The following PAN2 variants were observed in gnomAD, a reference collection of about 807,000 sequenced individuals.
The protein encoded by PAN2 is poly(A) specific ribonuclease subunit PAN2, also known as PAN2-PAN3 deadenylation complex catalytic subunit PAN2.
A neutral mutation model predicts 133.3 loss-of-function variants in PAN2; 68 were observed. The ratio of observed to expected loss-of-function variants is 0.51; its 90% CI spans 0.42 to 0.62. The LOEUF (loss-of-function observed/expected upper bound fraction) is 0.62, where lower values mean the gene tolerates loss of function less well. PAN2 is among the 20% of genes least tolerant of loss of function. The pLI is 0.00. For missense variants in PAN2, 1,042 were observed against 1,500.5 expected (o/e 0.69, Z 5.05); for synonymous variants, 462 against 544.6 (o/e 0.85, Z 2.11).
chr12:56,330,810 T>G (rs910907823), intron 2 of PAN2, among the ~76,000 whole-genome samples: 1 of 151,712 alleles, frequency 6.6e-6, no homozygotes, highest in Non-Finnish European at 1.5e-5. Context: ...TTCTTTTTCT[T>G]TTTTTTGAGA....
chr12:56,317,879 A>G (rs1874080301), intron 25 of PAN2, among the ~76,000 whole-genome samples: 2 of 152,220 alleles, frequency 1.3e-5, no homozygotes, highest in Non-Finnish European at 2.9e-5. Context: ...CATATGTGCA[A>G]TCAAAATCCA....
At chr12:56,327,248 C>T (rs1875226384) in intron 6 of PAN2, 116 bp downstream of exon 6, 3 of 1,160,608 alleles carry the variant, frequency 2.6e-6, no homozygotes. Flanking sequence ...CCTTGGGACC[C>T]TGATGAAAGG....
At chr12:56,326,579 T>C (rs1875153148) in intron 7 of PAN2, 38 bp downstream of exon 7, 1 of 1,570,898 alleles carries the variant, frequency 6.4e-7, no homozygotes, top group African/African-American at 1.4e-5. Context: ...GCCCTTTCCC[T>C]GTCCCTCCCG....
chr12:56,331,191 T>G (rs987574401), intron 2 of PAN2, among the ~76,000 whole-genome samples: 2 of 152,198 alleles, frequency 1.3e-5, no homozygotes, highest in Non-Finnish European at 2.9e-5. Flanking sequence ...TAGGGCAAGG[T>G]CTGACACCTA....
chr12:56,325,327 C>G lies in PAN2; in HGVS notation c.1479+8G>C. On this transcript the variant is annotated splice_region_variant and intron_variant, in intron 9 of 25. Coordinates refer to ENST00000440411, the MANE Select transcript of PAN2 (RefSeq NM_014871.6). Reference sequence around the variant, plus strand: ...CCACATCCCACAGGCCCTGATGTCCCCCAGCACCTTGCGGTATTTCTTAGA... The same window carrying G: ...CCACATCCCACAGGCCCTGATGTCCGCCAGCACCTTGCGGTATTTCTTAGA... The G allele has an allele frequency of 6.2e-7, 1 of 1,614,084 alleles. No homozygotes were observed. Among genetic ancestry groups the G allele is most frequent in the Non-Finnish European group, 8.5e-7 (1 of 1,179,970 alleles).
intron 19 of PAN2, 112 bp downstream of exon 19, chr12:56,322,311 G>T: frequency 9.1e-7 from 1 of 1,096,454 alleles, no homozygotes; most frequent in East Asian, 2.4e-5. Context: ...TTATTCCTGA[G>T]GATTCCTTCC....
chr12:56,326,423 T>TTA lies in PAN2; in HGVS notation c.1263-15_1263-14insTA, dbSNP rs1272745904. ...GGTGGTGCTCGCCTACAATCCAGCA[T>TTA]AGTTCTAGGACTTAAAGAGTTGTGG... On this transcript the variant is annotated splice_polypyrimidine_tract_variant and intron_variant, in intron 7 of 25. Transcript: ENST00000440411. 6.3e-7 allele frequency: 1 copy of TTA among 1,575,294 alleles called. No homozygotes were observed. The highest frequency in any genetic ancestry group is 1.1e-5 in the South Asian group (1 of 88,054).
At position 56,323,227 on chromosome 12, in the gene PAN2, T is replaced by A; in HGVS notation, c.2346-18A>T. On this transcript the variant is annotated intron_variant, in intron 16 of 25. Coordinates refer to ENST00000440411, the MANE Select transcript of PAN2 (RefSeq NM_014871.6). ...GTTCCTTCCTATCAGGTCAGAAGAA[T>A]TGGAAATTTGTTCCGAAAGAGGTCT... 6.2e-7 allele frequency: 1 copy of A among 1,613,794 alleles called. No individual in the cohort carries two copies. The highest frequency in any genetic ancestry group is 8.5e-7 in the Non-Finnish European group (1 of 1,179,946).
chr12:56,325,347 C>T lies in PAN2; in HGVS notation c.1467G>A (p.Lys489=). The T allele has an allele frequency of 6.2e-7, 1 of 1,614,172 alleles. No individual in the cohort carries two copies. Among genetic ancestry groups the T allele is most frequent in the East Asian group, 2.2e-5 (1 of 44,890 alleles). Residue 489 remains lysine, a synonymous_variant, in exon 9 of 26, where the codon AAG becomes AAA. Transcript: ENST00000440411. ...EEEPHLHMVS[K]KYRKVTIKYS... is the part of the protein sequence containing the mutation. The stretch of plus-strand genomic sequence containing the variant: ...TGTCCCCCAGCACCTTGCGGTATTT[C>T]TTAGAAACCATGTGGAGATGTGGTT...
At chr12:56,318,200 C>T in intron 25 of PAN2, 37 bp downstream of exon 25, 3 of 1,550,842 alleles carry the variant, frequency 1.9e-6, no homozygotes, top group East Asian at 2.2e-5. Flanking sequence ...ACAAAATCCA[C>T]CCAGTCCAGT....
intron 20 of PAN2, among the ~76,000 whole-genome samples, chr12:56,320,411 G>A (rs534415242): frequency 1.3e-5 from 2 of 152,288 alleles, no homozygotes; most frequent in East Asian, 1.9e-4. Flanking sequence ...GCCGAGGCGG[G>A]CGGATCACCT....
intron 6 of PAN2, among the ~76,000 whole-genome samples, 157 bp from the exon 7 acceptor site, chr12:56,327,116 T>C (rs1421787483): frequency 1.3e-5 from 2 of 152,232 alleles, no homozygotes; most frequent in African/African-American, 2.4e-5. Context: ...AAACCACAGA[T>C]GGTTCGCTAC....
chr12:56,333,079 G>T lies in PAN2; in HGVS notation c.16C>A (p.Leu6Met). The T allele has an allele frequency of 6.2e-7, 1 of 1,613,564 alleles. No individual in the cohort carries two copies. Among genetic ancestry groups the T allele is most frequent in the Non-Finnish European group, 8.5e-7 (1 of 1,179,614 alleles). The change falls in exon 2 of 26, where the codon CTG becomes ATG. Residue 6 changes from leucine (L) to methionine (M), a missense_variant. Leu to Met is a conservative substitution (Grantham distance 15, BLOSUM62 2). This residue lies in a region of PAN2 where 908 missense variants were observed against 1,223.5 expected (regional missense o/e 0.74). Transcript: ENST00000440411. MNFEGLDPGLAEYAPA... is the reference protein window; with the variant it reads MNFEGMDPGLAEYAPA... ...GCATATTCTGCCAGTCCAGGGTCCA[G>T]ACCCTCAAAGTTCATGATGACGATG...
chr12:56,319,933 C>T lies in PAN2; in HGVS notation c.2877G>A (p.Leu959=). ...CAATCTGTGGCATCTCATTCAGCATCAGTGGAATAAAGGTAGTATGTGTTT... is the reference window on the plus strand; with the variant it reads ...CAATCTGTGGCATCTCATTCAGCATTAGTGGAATAAAGGTAGTATGTGTTT... The part of the protein sequence containing the change: ...QRKTHTTFIP[L]MLNEMPQIGD... The change falls in exon 21 of 26, where the codon CTG becomes CTA. Residue 959 remains leucine (L), a synonymous_variant. Transcript: ENST00000440411. The surrounding 1 kb of genome is among the most constrained non-coding windows in gnomAD (Gnocchi z 5.4). 6.2e-7 allele frequency: 1 copy of T among 1,614,220 alleles called. No individual in the cohort carries two copies. The highest frequency in any genetic ancestry group is 2.2e-5 in the East Asian group (1 of 44,888).
At chr12:56,323,784 G>C (rs1260459526) in intron 14 of PAN2, 23 bp downstream of exon 14, 1 of 1,541,464 alleles carries the variant, frequency 6.5e-7, no homozygotes, top group Admixed American at 1.7e-5. Context: ...CAGGACTCTA[G>C]TCCAGTCCAA....
intron 6 of PAN2, 73 bp downstream of exon 6, chr12:56,327,291 T>G: frequency 3.3e-6 from 5 of 1,503,410 alleles, no homozygotes; most frequent in Non-Finnish European, 4.6e-6. Flanking sequence ...GGTTTCAGGA[T>G]GAGTACTCCT....
chr12:56,322,787 C>G (rs774443563), intron 17 of PAN2, 29 bp from the exon 18 acceptor site: 4 of 1,525,380 alleles, frequency 2.6e-6, no homozygotes, highest in Non-Finnish European at 3.5e-6. Flanking sequence ...GGCTGCTAAG[C>G]TAAGTTTAAG....
At chr12:56,325,738 A>G (rs1875047025) in intron 8 of PAN2, among the ~76,000 whole-genome samples, 1 of 152,198 alleles carries the variant, frequency 6.6e-6, no homozygotes, top group Non-Finnish European at 1.5e-5. Context: ...TACTTCCTCT[A>G]TTATAGACTG....
intron 10 of PAN2, 44 bp from the exon 11 acceptor site, chr12:56,324,753 G>A (rs1289226081): frequency 1.3e-6 from 2 of 1,590,112 alleles, no homozygotes; most frequent in Non-Finnish European, 1.7e-6. Flanking sequence ...ACTGGCCTGG[G>A]GGTGAGGAGA....
Sources: gnomAD v4.1 joint callset for allele counts (sites outside exome capture counted in the v4.1 genomes callset) on GRCh38, gnomAD v4.1.1 for gene constraint, gnomAD v4.1.1 regional missense constraint, Gnocchi (gnomAD v3.1) non-coding constraint, MANE v1.5 for transcripts, NCBI Gene and HGNC (gene_info 2026-07-23, HGNC 2026-07-21) for gene names.